GLIS3: variants seen among roughly 807,000 people sequenced by gnomAD.
The protein encoded by GLIS3 is GLIS family zinc finger 3, also known as zinc finger protein GLIS3.
Under a neutral mutation model 78.6 loss-of-function variants are expected in GLIS3, and 53 were observed. That is an observed-to-expected ratio of 0.67 (90% CI 0.54 to 0.85). The LOEUF is 0.85. Among genes scored for constraint, GLIS3 ranks in the 40% least tolerant of loss-of-function variants. The pLI is 0.00. For synonymous variants in GLIS3, 684 were observed against 509.9 expected, an observed-to-expected ratio of 1.34 and a Z score of -4.60; for missense variants, 1,703 against 1,231.1, an observed-to-expected ratio of 1.38 and a Z score of -5.74.
intron 2 of GLIS3, among the ~76,000 whole-genome samples, chr9:4,171,194 T>C (rs746405508): frequency 1.6e-4 from 24 of 152,174 alleles, no homozygotes; most frequent in Non-Finnish European, 2.9e-4. Flanking sequence ...GGGATGGGCA[T>C]GGCAATATAC....
intron 2 of GLIS3, among the ~76,000 whole-genome samples, chr9:4,141,707 GA>G (rs1374816353): frequency 6.6e-6 from 1 of 152,164 alleles, no homozygotes; most frequent in East Asian, 1.9e-4. Context: ...CAGATTTGCT[GA>G]AAATTGGAGA....
At chr9:4,404,160 C>T in the GLIS3 span, among the ~76,000 whole-genome samples, 6 of 152,132 alleles carry the variant, frequency 3.9e-5, no homozygotes, top group Non-Finnish European at 7.4e-5. Context: ...GGGGACAATT[C>T]AGCAAGAGGA....
intron 2 of GLIS3, among the ~76,000 whole-genome samples, chr9:4,272,066 A>C (rs1204887534): frequency 6.6e-6 from 1 of 152,276 alleles, no homozygotes; most frequent in African/African-American, 2.4e-5. Flanking sequence ...CGGCCAAGCA[A>C]CTGAGCTCAG....
At chr9:4,219,455 G>C (rs1041090820) in intron 2 of GLIS3, among the ~76,000 whole-genome samples, 2 of 152,142 alleles carry the variant, frequency 1.3e-5, no homozygotes, top group Admixed American at 1.3e-4. Flanking sequence ...GTATACAAAT[G>C]TCACTGTTTC....
chr9:4,478,149 A>C, the GLIS3 span, among the ~76,000 whole-genome samples: 1 of 152,148 alleles, frequency 6.6e-6, no homozygotes, highest in East Asian at 1.9e-4. Flanking sequence ...CAAAGACACT[A>C]TTGAAACAAG....
At chr9:4,402,302 G>C in the GLIS3 span, among the ~76,000 whole-genome samples, 1 of 152,148 alleles carries the variant, frequency 6.6e-6, no homozygotes, top group East Asian at 1.9e-4. Context: ...AGCATTACTG[G>C]GCTTGAGGCC....
chr9:4,156,210 T>A (rs981824260), intron 2 of GLIS3, among the ~76,000 whole-genome samples: 1 of 152,040 alleles, frequency 6.6e-6, no homozygotes, highest in African/African-American at 2.4e-5. Context: ...CAAAACAAAC[T>A]CTCCTCACAT....
At chr9:4,465,722 C>G in the GLIS3 span, among the ~76,000 whole-genome samples, 2 of 152,054 alleles carry the variant, frequency 1.3e-5, no homozygotes, top group Non-Finnish European at 2.9e-5. Flanking sequence ...TATACACCTA[C>G]TATGCATCTA....
intron 6 of GLIS3, among the ~76,000 whole-genome samples, chr9:3,920,552 T>G (rs1164464456): frequency 6.6e-6 from 1 of 152,008 alleles, no homozygotes; most frequent in East Asian, 1.9e-4. Flanking sequence ...TCTGAGTCTT[T>G]GTGACTCAGA....
At chr9:3,924,406 G>A (rs1825088149) in intron 6 of GLIS3, among the ~76,000 whole-genome samples, 1 of 152,194 alleles carries the variant, frequency 6.6e-6, no homozygotes, top group Non-Finnish European at 1.5e-5. Context: ...CCAGGGGAAT[G>A]TAACTTAAGC....
At chr9:4,359,585 T>C in the GLIS3 span, among the ~76,000 whole-genome samples, 1 of 152,194 alleles carries the variant, frequency 6.6e-6, no homozygotes, top group Non-Finnish European at 1.5e-5. Flanking sequence ...AAATGTTTTA[T>C]TTAATATTTT....
intron 4 of GLIS3, among the ~76,000 whole-genome samples, chr9:4,018,652 T>C (rs937040192): frequency 5.3e-5 from 8 of 152,158 alleles, no homozygotes; most frequent in African/African-American, 1.9e-4. Context: ...GGTTCTCAAC[T>C]GCGTTCCACC....
chr9:4,023,598 A>G (rs986110265), intron 4 of GLIS3, among the ~76,000 whole-genome samples: 1 of 152,116 alleles, frequency 6.6e-6, no homozygotes, highest in East Asian at 1.9e-4. Context: ...CAGAGCGAGC[A>G]TTGCTTCTGA....
chr9:4,009,865 T>C (rs1247399168), intron 4 of GLIS3, among the ~76,000 whole-genome samples: 32 of 151,884 alleles, frequency 2.1e-4, no homozygotes, highest in Non-Finnish European at 5.9e-5. Context: ...TGAGGAGGGG[T>C]CTGGCCGCCC....
At chr9:3,916,695 T>C (rs1487878868) in intron 6 of GLIS3, among the ~76,000 whole-genome samples, 2 of 152,192 alleles carry the variant, frequency 1.3e-5, no homozygotes, top group Non-Finnish European at 2.9e-5. Context: ...TGCATTTTTT[T>C]TTCTCCTCCT....
chr9:4,006,279 T>C (rs1821538852), intron 4 of GLIS3, among the ~76,000 whole-genome samples: 2 of 148,302 alleles, frequency 1.3e-5, no homozygotes, highest in South Asian at 2.2e-4. Context: ...GAGCACTGCT[T>C]TTAACTAACG....
At chr9:3,828,783 CAG>C (rs1052626380) in intron 10 of GLIS3, among the ~76,000 whole-genome samples, 1 of 152,094 alleles carries the variant, frequency 6.6e-6, no homozygotes, top group South Asian at 2.1e-4. Context: ...AGAGCAAAGA[CAG>C]AGAGGGAGAG....
chr9:4,378,762 G>A, the GLIS3 span, among the ~76,000 whole-genome samples: 1 of 152,096 alleles, frequency 6.6e-6, no homozygotes, highest in South Asian at 2.1e-4. Context: ...GCATGTGTAG[G>A]GTAAACTTCC....
intron 4 of GLIS3, among the ~76,000 whole-genome samples, chr9:4,025,824 A>C (rs2130203165): frequency 6.6e-6 from 1 of 152,334 alleles, no homozygotes; most frequent in East Asian, 1.9e-4. Flanking sequence ...AGGGGTAAGA[A>C]ATATACTAAC....
Sources: allele counts gnomAD v4.1 joint callset (sites outside exome capture counted in the v4.1 genomes callset), GRCh38; gene constraint gnomAD v4.1.1; transcripts MANE v1.5; gene names NCBI Gene and HGNC (gene_info 2026-07-23, HGNC 2026-07-21).